The following DLG2 variants were observed in gnomAD, a reference collection of about 807,000 sequenced individuals.
The protein encoded by DLG2 is disks large homolog 2.
A neutral mutation model predicts 132.5 loss-of-function variants in DLG2; 45 were observed. The observed-to-expected ratio is 0.34, with a 90% CI of 0.27 to 0.44. The LOEUF (loss-of-function observed/expected upper bound fraction) is 0.44. Among genes scored for constraint, DLG2 ranks in the 20% least tolerant of loss-of-function variants. DLG2 has a pLI of 1.00. For synonymous variants in DLG2, 424 were observed against 419.6 expected (o/e 1.01, Z -0.13); for missense variants, 1,045 against 1,196.9 (o/e 0.87, Z 1.87).
At position 85,266,599 on chromosome 11, in the gene DLG2, A is replaced by G. The variant is rs2077227512; in HGVS notation, c.186+18621T>C. Reference sequence around the variant, plus strand: ...GTTCTGCACATGTATCCCAGAACTTAAAGTATAATTTAAAAAAAAAGAAAG... The same window carrying G: ...GTTCTGCACATGTATCCCAGAACTTGAAGTATAATTTAAAAAAAAAGAAAG... On this transcript the variant is annotated intron_variant, in intron 4 of 27. Transcript: ENST00000376104. 2.0e-5 allele frequency among the ~76,000 whole-genome samples: 3 copies of G among 151,020 alleles called. No individual in the cohort carries two copies. In the South Asian group the frequency reaches 6.3e-4, roughly 32 times the overall value.
At chr11:83,671,910 T>C (rs565250424) in intron 18 of DLG2, among the ~76,000 whole-genome samples, 22 of 152,338 alleles carry the variant, frequency 1.4e-4, no homozygotes, top group Non-Finnish European at 2.8e-4. Context: ...TTTGTTTGAA[T>C]TGAAATACAC....
intron 6 of DLG2, among the ~76,000 whole-genome samples, chr11:84,895,604 C>T (rs1485582841): frequency 1.3e-5 from 2 of 152,204 alleles, no homozygotes; most frequent in East Asian, 1.9e-4. Context: ...CAGTGAGAAG[C>T]ACACCAGTAC....
At chr11:84,375,798 G>A (rs2098726731) in intron 7 of DLG2, among the ~76,000 whole-genome samples, 1 of 151,780 alleles carries the variant, frequency 6.6e-6, no homozygotes, top group African/African-American at 2.4e-5. Context: ...TTTCCATTAT[G>A]TTACACACAT....
chr11:84,380,058 G>C (rs2098743909), intron 7 of DLG2, among the ~76,000 whole-genome samples: 1 of 151,816 alleles, frequency 6.6e-6, no homozygotes, highest in Non-Finnish European at 1.5e-5. Flanking sequence ...AACAAAACTA[G>C]AATTTTGTTG....
chr11:84,968,963 AAG>A lies in DLG2; in HGVS notation c.357+142696_357+142697del, dbSNP rs1457991290. Among the ~76,000 whole-genome samples, 7 of 152,222 alleles carry A rather than the reference AAG, an allele frequency of 4.6e-5. No individual in the cohort carries two copies. In the South Asian group the frequency reaches 6.2e-4, roughly 14 times the overall value. On this transcript the variant is annotated intron_variant, in intron 6 of 27. Coordinates refer to ENST00000376104, the MANE Select transcript of DLG2 (RefSeq NM_001142699.3). Reference sequence around the variant, plus strand: ...CGGAAAAATAGTTCTCTGCTGGAGCAAGACTCTAACGTGTGTAGAGCAGTATA... The same window carrying A: ...CGGAAAAATAGTTCTCTGCTGGAGCAACTCTAACGTGTGTAGAGCAGTATA...
chr11:84,551,144 C>A (rs2099401031), intron 6 of DLG2, among the ~76,000 whole-genome samples: 1 of 152,036 alleles, frequency 6.6e-6, no homozygotes, highest in Non-Finnish European at 1.5e-5. Flanking sequence ...CTAGTGTGTT[C>A]CAATCAAAGA....
intron 6 of DLG2, among the ~76,000 whole-genome samples, chr11:84,933,496 G>A (rs1203626495): frequency 2.0e-5 from 3 of 152,186 alleles, no homozygotes; most frequent in Non-Finnish European, 4.4e-5. Flanking sequence ...TCCTATCCAT[G>A]AGCATAGAAT....
intron 3 of DLG2, among the ~76,000 whole-genome samples, chr11:85,382,437 AACCTCATG>A (rs1450536885): frequency 2.6e-5 from 4 of 152,132 alleles, no homozygotes; most frequent in African/African-American, 9.7e-5. Flanking sequence ...ATTAAGCGTA[AACCTCATG>A]ACCTTAGGTG....
intron 6 of DLG2, among the ~76,000 whole-genome samples, chr11:84,700,290 G>A (rs1285277975): frequency 6.6e-6 from 1 of 151,264 alleles, no homozygotes; most frequent in African/African-American, 2.4e-5. Flanking sequence ...GGAGTGTCCA[G>A]TTCAGCCAAC....
chr11:85,371,547 G>T (rs1269717626), intron 3 of DLG2, among the ~76,000 whole-genome samples: 1 of 152,130 alleles, frequency 6.6e-6, no homozygotes, highest in African/African-American at 2.4e-5. Flanking sequence ...TTTTACCAAG[G>T]CTTTGACTGG....
At position 84,018,848 on chromosome 11, in the gene DLG2, TA is replaced by T. The variant is rs758360540; in HGVS notation, c.920-38207del. 5.7e-3 allele frequency among the ~76,000 whole-genome samples: 834 copies of T among 145,130 alleles called. 7 individuals carry two copies. Among genetic ancestry groups the T allele is most frequent in the African/African-American group, 0.016 (645 of 39,882 alleles). ...AGAAGACTGAAAAGACAAATTAAGCTAAAAAAAAAATGGGCAAGACTAAAAT... is the reference window on the plus strand; with the variant it reads ...AGAAGACTGAAAAGACAAATTAAGCTAAAAAAAAATGGGCAAGACTAAAAT... On this transcript the variant is annotated intron_variant, in intron 11 of 27. Transcript: ENST00000376104.
At chr11:85,244,447 C>G (rs769982741) in intron 4 of DLG2, among the ~76,000 whole-genome samples, 2 of 151,854 alleles carry the variant, frequency 1.3e-5, no homozygotes, top group Non-Finnish European at 2.9e-5. Context: ...ATTGGGGCAA[C>G]AATATGGAAA....
intron 3 of DLG2, among the ~76,000 whole-genome samples, chr11:85,475,360 C>T (rs901686630): frequency 6.6e-6 from 1 of 151,886 alleles, no homozygotes; most frequent in African/African-American, 2.4e-5. Flanking sequence ...AAATTAAATT[C>T]TAACCCATGT....
At chr11:84,149,639 C>T (rs1246592350) in intron 9 of DLG2, among the ~76,000 whole-genome samples, 1 of 152,128 alleles carries the variant, frequency 6.6e-6, no homozygotes, top group African/African-American at 2.4e-5. Context: ...TAGTTGAAAT[C>T]AGGTAATGTG....
intron 7 of DLG2, among the ~76,000 whole-genome samples, chr11:84,380,149 A>G (rs1424265075): frequency 1.3e-5 from 2 of 152,108 alleles, no homozygotes; most frequent in African/African-American, 2.4e-5. Flanking sequence ...TTTTATGACC[A>G]TTACTGAAAT....
At chr11:85,177,280 T>TAC (rs202151364) in intron 4 of DLG2, among the ~76,000 whole-genome samples, 99 of 138,084 alleles carry the variant, frequency 7.2e-4, no homozygotes, top group East Asian at 2.4e-3. Context: ...TATATATATA[T>TAC]ACATATACAC....
At chr11:83,704,517 A>T (rs11233721) in intron 18 of DLG2, among the ~76,000 whole-genome samples, 36,506 of 142,520 alleles carry the variant, frequency 0.26, 4,906 homozygotes, top group African/African-American at 0.36. Flanking sequence ...TTCTTTTTTT[A>T]AAAAAAATGT....
At chr11:84,088,137 T>C (rs2097022977) in intron 10 of DLG2, among the ~76,000 whole-genome samples, 1 of 152,190 alleles carries the variant, frequency 6.6e-6, no homozygotes, top group Non-Finnish European at 1.5e-5. Context: ...ATTGACGAAC[T>C]CCAAGTTATC....
chr11:83,527,674 T>C (rs1392578165), intron 21 of DLG2, among the ~76,000 whole-genome samples: 5 of 152,172 alleles, frequency 3.3e-5, no homozygotes, highest in Admixed American at 3.3e-4. Context: ...GATGATTTAT[T>C]TGTTTATACC....
Sources: gnomAD v4.1 joint callset for allele counts (sites outside exome capture counted in the v4.1 genomes callset) on GRCh38, gnomAD v4.1.1 for gene constraint, MANE v1.5 for transcripts, NCBI Gene and HGNC (gene_info 2026-07-23, HGNC 2026-07-21) for gene names.